Variants in CDKL3 observed in about 807,000 individuals in gnomAD.
CDKL3 encodes cyclin dependent kinase like 3.
A neutral mutation model predicts 69.3 loss-of-function variants in CDKL3; 65 were observed. The observed-to-expected ratio is 0.94, with a 90% CI of 0.77 to 1.15. The LOEUF (loss-of-function observed/expected upper bound fraction) is 1.15. CDKL3 is among the 50% of genes most tolerant of loss of function. The pLI is 0.00. For synonymous variants in CDKL3, 202 were observed against 221.6 expected (o/e 0.91, Z 0.79); for missense variants, 652 against 689.2 (o/e 0.95, Z 0.61).
rs1278638297 is a variant in CDKL3, at chr5:134,332,497, C to T, written c.540-10594G>A. Among the ~76,000 whole-genome samples, 7 of 152,162 alleles carry T rather than the reference C, an allele frequency of 4.6e-5. No homozygotes were observed. In the East Asian group the frequency reaches 1.3e-3, roughly 29 times the overall value. On this transcript the variant is annotated intron_variant, in intron 4 of 12. Coordinates refer to ENST00000265334, the MANE Select transcript of CDKL3 (RefSeq NM_001113575.2). ...AAGGTGAAAGGAAGGGATCCAGTTT[C>T]AGCTTTCTACATGTGGCTAACCAGT...
At chr5:134,331,259 T>A (rs1229858634) in intron 4 of CDKL3, among the ~76,000 whole-genome samples, 1 of 152,210 alleles carries the variant, frequency 6.6e-6, no homozygotes, top group Non-Finnish European at 1.5e-5. Flanking sequence ...GGTCTGCTGC[T>A]GCAGGCTTCA....
At chr5:134,297,726 C>A (rs1365570694), downstream of CDKL3, among the ~76,000 whole-genome samples, 1 of 149,324 alleles carries the variant, frequency 6.7e-6, no homozygotes, top group Non-Finnish European at 1.5e-5. Flanking sequence ...GGATTACAGG[C>A]ATGTGCCACC....
In CDKL3 at chr5:134,306,722, G is replaced by A. The variant is rs2149437617; in HGVS notation, c.1365-20C>T. On this transcript the variant is annotated intron_variant, in intron 9 of 12. Transcript: ENST00000265334. Reference sequence around the variant, plus strand: ...GTTAACCTATTATTTAAAAATGAATGAGAAGTTACTAAAACTCCCCAGAAA... The same window carrying A: ...GTTAACCTATTATTTAAAAATGAATAAGAAGTTACTAAAACTCCCCAGAAA... 1.4e-6 allele frequency: 1 copy of A among 727,142 alleles called. No individual in the cohort carries two copies. The highest frequency in any genetic ancestry group is 2.2e-6 in the Non-Finnish European group (1 of 450,132). 45.0% of individuals were successfully genotyped at this position (727,142 alleles called of 1,614,324 possible).
At chr5:134,350,553 G>A in intron 3 of CDKL3, 126 bp from the exon 4 acceptor site, 1 of 639,742 alleles carries the variant, frequency 1.6e-6, no homozygotes, top group Middle Eastern at 4.4e-4. Flanking sequence ...ACATGCAAAG[G>A]ATTAATTACA....
chr5:134,366,644 AAT>A, intron 1 of CDKL3, 100 bp from the exon 2 acceptor site: 1 of 769,594 alleles, frequency 1.3e-6, no homozygotes, highest in Non-Finnish European at 2.0e-6. Context: ...CACAGTCTCA[AAT>A]ATAGAGACAT....
chr5:134,360,208 CTTTT>C (rs1561647608), intron 2 of CDKL3, 117 bp from the exon 3 acceptor site: 1 of 756,898 alleles, frequency 1.3e-6, no homozygotes, highest in African/African-American at 1.8e-5. Flanking sequence ...CCATGCATTT[CTTTT>C]TTCTTTTTTT....
intron 2 of CDKL3, among the ~76,000 whole-genome samples, chr5:134,363,923 G>A (rs1208298484): frequency 3.5e-5 from 5 of 144,252 alleles, no homozygotes; most frequent in East Asian, 4.0e-4. Context: ...ATGCCACTGC[G>A]CTGCAGCCTG....
upstream of CDKL3, chr5:134,371,528 C>A (rs1352840735): frequency 6.5e-7 from 1 of 1,542,258 alleles, no homozygotes; most frequent in South Asian, 1.1e-5. Flanking sequence ...TCGGCCGCCG[C>A]GCCGGGGGGT....
At chr5:134,345,708 G>A (rs188452811) in intron 4 of CDKL3, among the ~76,000 whole-genome samples, 2 of 152,276 alleles carry the variant, frequency 1.3e-5, no homozygotes, top group Admixed American at 1.3e-4. Flanking sequence ...GGATGAGCCA[G>A]GAGAAGGAAT....
chr5:134,371,292 A>C, upstream of CDKL3: 17 of 497,550 alleles, frequency 3.4e-5, no homozygotes, highest in Admixed American at 1.0e-4. Flanking sequence ...CACAGAGAAC[A>C]CAAATTTGTC....
chr5:134,333,091 C>T (rs537509395), intron 4 of CDKL3, among the ~76,000 whole-genome samples: 7 of 151,962 alleles, frequency 4.6e-5, no homozygotes, highest in Non-Finnish European at 7.4e-5. Context: ...TTTGGCTCTC[C>T]GTTTGTCTGT....
intron 4 of CDKL3, among the ~76,000 whole-genome samples, chr5:134,342,326 C>T (rs61373930): frequency 0.13 from 20,374 of 152,052 alleles, 1,634 homozygotes; most frequent in African/African-American, 0.21. Context: ...AAGCCGGGTG[C>T]GGTGGCTCAC....
At chr5:134,306,139 C>T (rs1435396881) in intron 10 of CDKL3, among the ~76,000 whole-genome samples, 2 of 152,056 alleles carry the variant, frequency 1.3e-5, no homozygotes, top group East Asian at 3.8e-4. Context: ...TGTGAAAGCA[C>T]TTAGAAAATA....
rs770909822 is a variant in CDKL3, at chr5:134,359,900, A to G, written c.357T>C (p.Asn119=). The G allele has an allele frequency of 1.3e-6, 2 of 1,575,278 alleles. No individual in the cohort carries two copies. The highest frequency in any genetic ancestry group is 8.6e-7 in the Non-Finnish European group (1 of 1,159,802). Residue 119 remains asparagine (N), a synonymous_variant, in exon 3 of 13, where the codon AAT becomes AAC. Transcript: ENST00000265334. The part of the protein sequence containing the change: ...ILRAIDYLHS[N]NIIHRDIKPE... ...TGGCTTATTCTGAAGCACTTACATT[A>G]TTACTGTGAAGATAGTCAATTGCTC...
At chr5:134,371,403 G>C, upstream of CDKL3, 1 of 734,266 alleles carries the variant, frequency 1.4e-6, no homozygotes, top group East Asian at 2.7e-5. Context: ...CTCACACTGT[G>C]GTAGCGGCGG....
At chr5:134,312,735 A>AG (rs1769910180) in intron 6 of CDKL3, among the ~76,000 whole-genome samples, 1 of 152,244 alleles carries the variant, frequency 6.6e-6, no homozygotes, top group Non-Finnish European at 1.5e-5. Context: ...CAGATCTAGA[A>AG]GCATGATTAG....
downstream of CDKL3, among the ~76,000 whole-genome samples, chr5:134,285,627 T>C (rs977288914): frequency 6.6e-6 from 1 of 152,254 alleles, no homozygotes; most frequent in African/African-American, 2.4e-5. Context: ...TTTTCCCCAT[T>C]GTCTTGGGGA....
At chr5:134,302,421 C>T (rs1766578177) in intron 12 of CDKL3, among the ~76,000 whole-genome samples, 169 bp downstream of exon 12, 1 of 152,062 alleles carries the variant, frequency 6.6e-6, no homozygotes, top group Admixed American at 6.6e-5. Context: ...CTTTTAGAAA[C>T]TTTTATTAAT....
chr5:134,305,315 T>C (rs144646733), intron 10 of CDKL3, among the ~76,000 whole-genome samples: 63 of 152,184 alleles, frequency 4.1e-4, no homozygotes, highest in Middle Eastern at 3.4e-3. Context: ...GGGTCCGTTA[T>C]GTCGCCCAGG....
Sources: gnomAD v4.1 joint callset for allele counts (sites outside exome capture counted in the v4.1 genomes callset) on GRCh38, gnomAD v4.1.1 for gene constraint, MANE v1.5 for transcripts, NCBI Gene and HGNC (gene_info 2026-07-23, HGNC 2026-07-21) for gene names.